PTK2: variants seen among roughly 807,000 people sequenced by gnomAD.
The protein encoded by PTK2 is focal adhesion kinase 1.
PTK2 carries 45 observed loss-of-function variants against 150.1 expected under a neutral mutation model. That is an observed-to-expected ratio of 0.30 (90% CI 0.24 to 0.38). The LOEUF (loss-of-function observed/expected upper bound fraction) is 0.38, where lower values mean the gene tolerates loss of function less well. Ranked by LOEUF, PTK2 falls within the 10% of genes least tolerant of loss-of-function variation. The probability of loss-of-function intolerance (pLI) is 1.00; values close to 1 mark genes in which losing one functional copy is unlikely to be tolerated. For synonymous variants in PTK2, 432 were observed against 449.2 expected (o/e 0.96, Z 0.48); for missense variants, 919 against 1,307.3 (o/e 0.70, Z 4.58).
intron 20 of PTK2, among the ~76,000 whole-genome samples, chr8:140,739,477 C>T (rs886433359): frequency 3.9e-5 from 6 of 152,156 alleles, no homozygotes; most frequent in African/African-American, 1.4e-4. Context: ...TCGCTATACA[C>T]ATGTCCTGCT....
chr8:140,736,408 G>A (rs1438451982), intron 21 of PTK2, among the ~76,000 whole-genome samples: 2 of 152,012 alleles, frequency 1.3e-5, no homozygotes, highest in African/African-American at 4.8e-5. Flanking sequence ...GGTTGAAAAA[G>A]TACCCATTGG....
intron 22 of PTK2, among the ~76,000 whole-genome samples, chr8:140,729,584 T>A (rs1239535199): frequency 1.3e-5 from 2 of 152,268 alleles, no homozygotes; most frequent in Non-Finnish European, 2.9e-5. Flanking sequence ...CTAGTGATGC[T>A]GCCATTCCTT....
intron 3 of PTK2, among the ~76,000 whole-genome samples, chr8:140,887,544 T>C (rs1438825780): frequency 6.6e-6 from 1 of 152,222 alleles, no homozygotes; most frequent in South Asian, 2.1e-4. Flanking sequence ...CCAGATATTC[T>C]TGGTGAAAAC....
rs561386616 is a variant in PTK2, at chr8:140,725,603, T to C, written c.2031-7894A>G. ...TAGCAAAAAGGTAATCGGAAAAAAGTGAAGGGAGAAATCCCAGAATGAAGA... is the reference window on the plus strand; with the variant it reads ...TAGCAAAAAGGTAATCGGAAAAAAGCGAAGGGAGAAATCCCAGAATGAAGA... On this transcript the variant is annotated intron_variant, in intron 22 of 31. Transcript: ENST00000522684. Among the ~76,000 whole-genome samples the C allele has an allele frequency of 5.3e-4, 81 of 152,192 alleles. 1 individual carries two copies. Among genetic ancestry groups the C allele is most frequent in the Non-Finnish European group, 1.0e-3 (70 of 67,994 alleles).
At chr8:140,713,889 ATTGAT>A (rs1221800361) in intron 23 of PTK2, among the ~76,000 whole-genome samples, 1 of 152,066 alleles carries the variant, frequency 6.6e-6, no homozygotes, top group Non-Finnish European at 1.5e-5. Flanking sequence ...AAATTTCATT[ATTGAT>A]TTATTTTTTT....
intron 24 of PTK2, 35 bp downstream of exon 27, chr8:140,706,084 A>AT (rs2100033571): frequency 6.6e-7 from 1 of 1,517,432 alleles, no homozygotes; most frequent in African/African-American, 1.4e-5. Flanking sequence ...TAAATAATAA[A>AT]ATAACACAGT....
chr8:140,980,684 G>T (rs1335419006), intron 1 of PTK2, among the ~76,000 whole-genome samples: 2 of 150,956 alleles, frequency 1.3e-5, no homozygotes, highest in Non-Finnish European at 2.9e-5. Context: ...GCAAAAACAG[G>T]TACTTGTCCT....
At chr8:140,744,063 CA>C (rs565957941) in intron 19 of PTK2, among the ~76,000 whole-genome samples, 89,873 of 149,308 alleles carry the variant, frequency 0.6, 28,333 homozygotes, top group African/African-American at 0.79. Flanking sequence ...AGCTATGAGC[CA>C]CCGCGCCCGG....
At chr8:140,749,587 A>T (rs2100061508) in intron 17 of PTK2, among the ~76,000 whole-genome samples, 1 of 152,250 alleles carries the variant, frequency 6.6e-6, no homozygotes, top group South Asian at 2.1e-4. Flanking sequence ...ACTGGAACAT[A>T]TTCTTGCTCA....
chr8:140,857,245 T>C (rs1217463812), intron 5 of PTK2, among the ~76,000 whole-genome samples: 1 of 152,164 alleles, frequency 6.6e-6, no homozygotes, highest in Non-Finnish European at 1.5e-5. Flanking sequence ...TGTCATCCCT[T>C]TGCACTTAAC....
intron 24 of PTK2, among the ~76,000 whole-genome samples, chr8:140,703,630 T>G (rs2100032011): frequency 6.6e-6 from 1 of 151,786 alleles, no homozygotes. Context: ...ACACAAAAAA[T>G]CCCCCAAATG....
At chr8:140,817,346 G>C (rs1330687576) in intron 10 of PTK2, among the ~76,000 whole-genome samples, 1 of 152,172 alleles carries the variant, frequency 6.6e-6, no homozygotes, top group Non-Finnish European at 1.5e-5. Context: ...TTGGAAAAAA[G>C]CAGGTCAGAC....
intron 10 of PTK2, among the ~76,000 whole-genome samples, chr8:140,808,266 C>T (rs1269816980): frequency 6.6e-6 from 1 of 152,246 alleles, no homozygotes; most frequent in East Asian, 1.9e-4. Context: ...GAAGCCATTA[C>T]ATAGCAGAGG....
chr8:140,827,904 C>G (rs1441989856), intron 8 of PTK2, among the ~76,000 whole-genome samples: 6 of 152,102 alleles, frequency 3.9e-5, no homozygotes, highest in African/African-American at 9.7e-5. Context: ...CAGTGGCTCA[C>G]GCCTGTAATC....
chr8:140,884,481 T>C (rs12546995), intron 3 of PTK2, among the ~76,000 whole-genome samples: 32,748 of 152,076 alleles, frequency 0.22, 4,188 homozygotes, highest in East Asian at 0.48. Flanking sequence ...TAATAATCAA[T>C]TGTTTTTAAA....
intron 12 of PTK2, among the ~76,000 whole-genome samples, chr8:140,798,141 T>G (rs191865085): frequency 7.9e-5 from 12 of 152,296 alleles, no homozygotes; most frequent in Non-Finnish European, 1.3e-4. Flanking sequence ...GCATATATAA[T>G]TATTATTTAA....
chr8:140,764,671 TAAGACTGGTATCTATAA>T (rs2100071373), intron 14 of PTK2: 3 of 331,782 alleles, frequency 9.0e-6, no homozygotes, highest in Middle Eastern at 7.9e-4. Flanking sequence ...TTTCTCCAAA[TAAGACTGGTATCTATAA>T]AACACGGTAT....
At chr8:140,686,592 G>A (rs778996100) in intron 27 of PTK2, 40 bp downstream of exon 30, 11 of 1,543,006 alleles carry the variant, frequency 7.1e-6, no homozygotes, top group Non-Finnish European at 9.9e-6. Flanking sequence ...CCACGCACAG[G>A]AGAACTGGAA....
chr8:140,745,444 A>T (rs1359209102), intron 18 of PTK2, among the ~76,000 whole-genome samples: 1 of 152,240 alleles, frequency 6.6e-6, no homozygotes, highest in African/African-American at 2.4e-5. Context: ...CGGAAGAATT[A>T]GCAAACTCTC....
Sources: gnomAD v4.1 joint callset for allele counts (sites outside exome capture counted in the v4.1 genomes callset) on GRCh38, gnomAD v4.1.1 for gene constraint, MANE v1.5 for transcripts, NCBI Gene and HGNC (gene_info 2026-07-23, HGNC 2026-07-21) for gene names.